Variants in SIPA1L1 observed in about 807,000 individuals in gnomAD.
The protein encoded by SIPA1L1 is signal induced proliferation associated 1 like 1.
Under a neutral mutation model 162.7 loss-of-function variants are expected in SIPA1L1, and 26 were observed. The observed-to-expected ratio is 0.16, with a 90% CI of 0.12 to 0.22. The LOEUF is 0.22. Among genes scored for constraint, SIPA1L1 ranks in the 10% least tolerant of loss-of-function variants. The probability of loss-of-function intolerance (pLI) is 1.00; values close to 1 mark genes in which losing one functional copy is unlikely to be tolerated. For missense variants in SIPA1L1, 1,874 were observed against 2,241.0 expected (o/e 0.84, Z 3.31); for synonymous variants, 829 against 837.4 (o/e 0.99, Z 0.17).
intron 8 of SIPA1L1, among the ~76,000 whole-genome samples, chr14:71,652,796 A>G (rs1240883295): frequency 6.6e-6 from 1 of 152,168 alleles, no homozygotes; most frequent in African/African-American, 2.4e-5. Context: ...TTCAGGGCCA[A>G]AAGTTGCATT....
In SIPA1L1 at chr14:71,544,081, GTATGTATATACACACGCACA is replaced by G. The variant is rs1226892371; in HGVS notation, c.-303+14713_-303+14732del. Among the ~76,000 whole-genome samples the G allele has an allele frequency of 1.8e-3, 271 of 150,848 alleles. 1 individual carries two copies. Among genetic ancestry groups the G allele is most frequent in the African/African-American group, 6.4e-3 (261 of 41,024 alleles). ...TATGTATATACACACGCACGCACATGTATGTATATACACACGCACATGTATGTATATACACATATATGCAC... is the reference window on the plus strand; with the variant it reads ...TATGTATATACACACGCACGCACATGTGTATGTATATACACATATATGCAC... On this transcript the variant is annotated intron_variant, in intron 4 of 23. Coordinates refer to ENST00000381232, the MANE Select transcript of SIPA1L1 (RefSeq NM_001386936.1).
At chr14:71,461,164 C>G (rs1049542158) in intron 2 of SIPA1L1, among the ~76,000 whole-genome samples, 1 of 152,176 alleles carries the variant, frequency 6.6e-6, no homozygotes, top group Non-Finnish European at 1.5e-5. Flanking sequence ...GAGGATGAAC[C>G]TCTGCCCTTT....
In SIPA1L1 at chr14:71,616,117, A is replaced by T. The variant is rs889705753; in HGVS notation, c.1499-2640A>T. On this transcript the variant is annotated intron_variant, in intron 5 of 23. Transcript: ENST00000381232. ...AGGTGGCAGTTGAAGTTCTGAAAGC[A>T]GGTGGATTATTCAGATGGGAAGAGG... Among the ~76,000 whole-genome samples the T allele has an allele frequency of 5.9e-5, 9 of 152,198 alleles. No individual in the cohort carries two copies. The East Asian group carries it at 1.7e-3, about 29-fold the overall frequency.
In SIPA1L1 at chr14:71,534,993, T is replaced by G. The variant is rs76896466; in HGVS notation, c.-303+5623T>G. ...ATTCTCAACAAATGTTAAAAGTAAC[T>G]TACAAAAATAATACATACTGGTAAA... On this transcript the variant is annotated intron_variant, in intron 4 of 23. Transcript: ENST00000381232. Among the ~76,000 whole-genome samples, 1,077 of 152,306 alleles carry G rather than the reference T, an allele frequency of 7.1e-3. 6 individuals are homozygous for G. The highest frequency in any genetic ancestry group is 0.012 in the Non-Finnish European group (819 of 68,034).
At chr14:71,484,159 C>G (rs955883495) in intron 2 of SIPA1L1, among the ~76,000 whole-genome samples, 8 of 152,044 alleles carry the variant, frequency 5.3e-5, no homozygotes, top group East Asian at 1.9e-4. Context: ...TCTTTGAGGT[C>G]GTGAGTTCTC....
chr14:71,358,466 A>C (rs1309134257), intron 2 of SIPA1L1, among the ~76,000 whole-genome samples: 2 of 152,178 alleles, frequency 1.3e-5, no homozygotes, highest in African/African-American at 4.8e-5. Flanking sequence ...AATTACTAGG[A>C]AACTTCAGTC....
At chr14:71,406,097 T>A (rs1164164244) in intron 2 of SIPA1L1, among the ~76,000 whole-genome samples, 1 of 152,132 alleles carries the variant, frequency 6.6e-6, no homozygotes, top group Non-Finnish European at 1.5e-5. Flanking sequence ...GTAAAGGAGT[T>A]AAGATGGTCT....
chr14:71,368,201 G>T, intron 2 of SIPA1L1, among the ~76,000 whole-genome samples: 2 of 120,078 alleles, frequency 1.7e-5, no homozygotes, highest in South Asian at 2.6e-4. Context: ...GGGTACATGT[G>T]CACATTGTGC....
rs1454249606 is a variant in SIPA1L1 at position 71,671,401 on chromosome 14, G to A, written c.2538G>A (p.Lys846=). 1 of 1,614,204 alleles carries A rather than the reference G, an allele frequency of 6.2e-7. No homozygotes were observed. ...CTTCCAAGAAGAAGGAAAAGTCTAA[G>A]CCATATCCAGGAGCCGAGCTCAGCA... ...SLASKKKEKS[K]PYPGAELSSM... The change falls in exon 11 of 24, where the codon AAG becomes AAA. Residue 846 remains lysine (K), a synonymous_variant. Coordinates refer to ENST00000381232, the MANE Select transcript of SIPA1L1 (RefSeq NM_001386936.1).
intron 14 of SIPA1L1, among the ~76,000 whole-genome samples, chr14:71,699,501 G>A (rs1422199611): frequency 6.6e-6 from 1 of 152,210 alleles, no homozygotes; most frequent in African/African-American, 2.4e-5. Context: ...AAGCAAAACT[G>A]TTTAAAAGAC....
chr14:71,539,296 T>C (rs1366904081), intron 4 of SIPA1L1, among the ~76,000 whole-genome samples: 1 of 152,250 alleles, frequency 6.6e-6, no homozygotes, highest in Non-Finnish European at 1.5e-5. Flanking sequence ...TATTACTCTT[T>C]GCTTGTGTGG....
At chr14:71,359,239 C>T (rs1246533613) in intron 2 of SIPA1L1, among the ~76,000 whole-genome samples, 2 of 152,176 alleles carry the variant, frequency 1.3e-5, no homozygotes, top group Admixed American at 1.3e-4. Context: ...AGTTCCCCTG[C>T]ACACGCTCTC....
At chr14:71,584,567 G>A (rs1462054756) in intron 4 of SIPA1L1, among the ~76,000 whole-genome samples, 1 of 152,138 alleles carries the variant, frequency 6.6e-6, no homozygotes, top group East Asian at 1.9e-4. Context: ...AGACACTACA[G>A]AAACACAGGG....
intron 12 of SIPA1L1, among the ~76,000 whole-genome samples, chr14:71,678,985 G>A (rs993756229): frequency 9.2e-5 from 14 of 152,120 alleles, no homozygotes; most frequent in African/African-American, 3.1e-4. Flanking sequence ...GTGACGGGGA[G>A]AATGGAACCA....
At chr14:71,733,167 T>C (rs1374336941) in intron 20 of SIPA1L1, among the ~76,000 whole-genome samples, 3 of 152,184 alleles carry the variant, frequency 2.0e-5, no homozygotes, top group African/African-American at 4.8e-5. Flanking sequence ...GCCGAGATCA[T>C]GCCACTGCAC....
chr14:71,696,973 T>A (rs1242246416), intron 13 of SIPA1L1, among the ~76,000 whole-genome samples: 1 of 152,198 alleles, frequency 6.6e-6, no homozygotes, highest in African/African-American at 2.4e-5. Context: ...CTGGGACACC[T>A]TGACTTTCTC....
chr14:71,419,786 C>T (rs990347062), intron 2 of SIPA1L1, among the ~76,000 whole-genome samples: 23 of 151,908 alleles, frequency 1.5e-4, no homozygotes, highest in African/African-American at 3.4e-4. Context: ...TGTGAGCCAC[C>T]GCGCCCGGCC....
At chr14:71,738,887 A>T in intron 23 of SIPA1L1, 131 bp from the exon 24 acceptor site, 2 of 1,030,498 alleles carry the variant, frequency 1.9e-6, no homozygotes, top group Admixed American at 2.5e-5. Flanking sequence ...CAGTCCGTTT[A>T]GACAGGTGTT....
At chr14:71,428,762 T>C (rs2043770559) in intron 2 of SIPA1L1, among the ~76,000 whole-genome samples, 1 of 152,230 alleles carries the variant, frequency 6.6e-6, no homozygotes, top group Non-Finnish European at 1.5e-5. Context: ...AGATCCCTGA[T>C]ATTTAGAGGG....
Sources: allele counts gnomAD v4.1 joint callset (sites outside exome capture counted in the v4.1 genomes callset), GRCh38; gene constraint gnomAD v4.1.1; transcripts MANE v1.5; gene names NCBI Gene and HGNC (gene_info 2026-07-23, HGNC 2026-07-21).